RIMS4: variants seen among roughly 807,000 people sequenced by gnomAD.
The protein encoded by RIMS4 is regulating synaptic membrane exocytosis 4, also known as regulating synaptic membrane exocytosis protein 4.
In RIMS4, 9 loss-of-function variants were observed where a neutral mutation model predicts 29.0. The ratio of observed to expected loss-of-function variants is 0.31; its 90% CI spans 0.19 to 0.54. RIMS4 has a LOEUF of 0.54. RIMS4 is among the 20% of genes least tolerant of loss of function. RIMS4 has a pLI of 0.94. For synonymous variants in RIMS4, 130 were observed against 152.9 expected (o/e 0.85, Z 1.10); for missense variants, 193 against 365.7 (o/e 0.53, Z 3.85).
intron 1 of RIMS4, among the ~76,000 whole-genome samples, chr20:44,779,528 C>A (rs1390109724): frequency 6.6e-6 from 1 of 152,230 alleles, no homozygotes; most frequent in African/African-American, 2.4e-5. Context: ...TTCTTTTACC[C>A]AACACGACGT....
chr20:44,774,600 T>A (rs970035374), intron 1 of RIMS4, among the ~76,000 whole-genome samples: 4 of 152,186 alleles, frequency 2.6e-5, no homozygotes, highest in Non-Finnish European at 4.4e-5. Context: ...AGACTGCCTA[T>A]TGTGGGACCT....
intron 2 of RIMS4, among the ~76,000 whole-genome samples, chr20:44,761,147 T>C (rs2066083164): frequency 6.6e-6 from 1 of 152,144 alleles, no homozygotes; most frequent in Admixed American, 6.5e-5. Flanking sequence ...ATACAGAGAT[T>C]AGCAACAGCG....
At chr20:44,764,185 TCCA>T (rs2066101827) in intron 2 of RIMS4, among the ~76,000 whole-genome samples, 1 of 9,124 alleles carries the variant, frequency 1.1e-4, no homozygotes, top group Admixed American at 1.1e-3. Flanking sequence ...CATCCATCCA[TCCA>T]TTTATCCATC....
At chr20:44,773,372 CAG>C (rs2145455697) in intron 1 of RIMS4, among the ~76,000 whole-genome samples, 1 of 152,178 alleles carries the variant, frequency 6.6e-6, no homozygotes, top group Non-Finnish European at 1.5e-5. Flanking sequence ...TACAGTGACA[CAG>C]AGAAAGAAAG....
chr20:44,807,490 G>A (rs1437252086), intron 1 of RIMS4, among the ~76,000 whole-genome samples: 1 of 152,154 alleles, frequency 6.6e-6, no homozygotes, highest in South Asian at 2.1e-4. Flanking sequence ...GCAACAAAGG[G>A]GAGGCTCCTA....
chr20:44,800,476 T>C (rs1306911869), intron 1 of RIMS4, among the ~76,000 whole-genome samples: 1 of 152,050 alleles, frequency 6.6e-6, no homozygotes, highest in East Asian at 1.9e-4. Context: ...CCGGATATTT[T>C]TCATGTGTTT....
chr20:44,773,228 C>G (rs188411826), intron 1 of RIMS4, among the ~76,000 whole-genome samples: 1 of 152,222 alleles, frequency 6.6e-6, no homozygotes, highest in South Asian at 2.1e-4. Flanking sequence ...TTTCTGAACA[C>G]GTGGGAGAGC....
At chr20:44,789,653 C>T (rs996446470) in intron 1 of RIMS4, among the ~76,000 whole-genome samples, 4 of 152,064 alleles carry the variant, frequency 2.6e-5, no homozygotes, top group Admixed American at 1.3e-4. Context: ...AACTTCTGGG[C>T]TCAGCAATCG....
At chr20:44,783,882 A>G (rs2066196150) in intron 1 of RIMS4, among the ~76,000 whole-genome samples, 2 of 152,200 alleles carry the variant, frequency 1.3e-5, no homozygotes, top group Admixed American at 6.5e-5. Context: ...ATATTCTACA[A>G]TTGACTGTGG....
At chr20:44,767,633 C>T (rs1164290116) in intron 2 of RIMS4, among the ~76,000 whole-genome samples, 1 of 152,176 alleles carries the variant, frequency 6.6e-6, no homozygotes, top group African/African-American at 2.4e-5. Context: ...ACCCAATGCC[C>T]GGATTTGAAT....
At chr20:44,796,462 G>A (rs1241082565) in intron 1 of RIMS4, among the ~76,000 whole-genome samples, 1 of 152,126 alleles carries the variant, frequency 6.6e-6, no homozygotes, top group Non-Finnish European at 1.5e-5. Flanking sequence ...GAGGGGCTTG[G>A]GATTCAACTC....
At position 44,805,834 on chromosome 20, in the gene RIMS4, C is replaced by T. The variant is rs536065385; in HGVS notation, c.97+4341G>A. Among the ~76,000 whole-genome samples the T allele has an allele frequency of 4.4e-4, 66 of 151,106 alleles. 1 individual carries two copies. In the South Asian group the frequency reaches 0.013, roughly 31 times the overall value. On this transcript the variant is annotated intron_variant, in intron 1 of 5. Coordinates refer to ENST00000372851, the MANE Select transcript of RIMS4 (RefSeq NM_182970.4). ...GGTGCCTGGGGGTGTGGAGAGAAAT[C>T]GGAACTCTGATTCTCCCTGCCAGGA... is the stretch of plus-strand genomic sequence containing the variant.
In RIMS4 at chr20:44,755,949, G is replaced by A. The variant is rs2066057712; in HGVS notation, c.*185C>T. On this transcript the variant is annotated 3_prime_UTR_variant, in exon 6 of 6. Coordinates refer to ENST00000372851, the MANE Select transcript of RIMS4 (RefSeq NM_182970.4). ...AGCCAATCCCGTTGGGAGAGGGGAGGTCTCGGGGGTAGGAGGCAAAGAAGG... is the reference window on the plus strand; with the variant it reads ...AGCCAATCCCGTTGGGAGAGGGGAGATCTCGGGGGTAGGAGGCAAAGAAGG... The A allele has an allele frequency of 1.7e-6, 1 of 572,958 alleles. No individual in the cohort carries two copies. Among genetic ancestry groups the A allele is most frequent in the Non-Finnish European group, 3.1e-6 (1 of 321,376 alleles). The allele number at this position is 572,958 out of a possible 1,614,324, so 35.5% of individuals were successfully genotyped here.
intron 1 of RIMS4, among the ~76,000 whole-genome samples, chr20:44,783,636 C>CA (rs2066194722): frequency 6.7e-6 from 1 of 150,074 alleles, no homozygotes; most frequent in African/African-American, 2.5e-5. Flanking sequence ...AAAACAAAAA[C>CA]AAAAACAAAA....
At chr20:44,802,764 G>A (rs1026302892) in intron 1 of RIMS4, among the ~76,000 whole-genome samples, 4 of 152,076 alleles carry the variant, frequency 2.6e-5, no homozygotes, top group South Asian at 2.1e-4. Context: ...CTCAGTTCCC[G>A]CACCAGATAA....
rs2066052106 is a variant in RIMS4 at position 44,754,925 on chromosome 20, T to C, written c.*1209A>G. 6.6e-6 allele frequency: 1 copy of C among 152,426 alleles called. No homozygotes were observed. The highest frequency in any genetic ancestry group is 2.1e-4 in the South Asian group (1 of 4,810). 9.4% of individuals were successfully genotyped at this position (152,426 alleles called of 1,614,324 possible). A position where few individuals can be genotyped will look rare whatever the true frequency, so the allele number is the denominator to read the frequency against. On this transcript the variant is annotated 3_prime_UTR_variant, in exon 6 of 6. Coordinates refer to ENST00000372851, the MANE Select transcript of RIMS4 (RefSeq NM_182970.4). ...AGAGGGGCCAGCCTCCATCCTCCCTTGCATGCAAAAGGGCTCCCGCAGGCC... is the reference window on the plus strand; with the variant it reads ...AGAGGGGCCAGCCTCCATCCTCCCTCGCATGCAAAAGGGCTCCCGCAGGCC...
intron 1 of RIMS4, among the ~76,000 whole-genome samples, chr20:44,807,001 CCT>C (rs1310556967): frequency 1.3e-5 from 2 of 152,112 alleles, no homozygotes; most frequent in East Asian, 1.9e-4. Context: ...TTTTCTTCTT[CCT>C]TACAGATACG....
intron 1 of RIMS4, among the ~76,000 whole-genome samples, chr20:44,780,269 T>C (rs1037955756): frequency 2.0e-5 from 3 of 152,134 alleles, no homozygotes; most frequent in African/African-American, 7.2e-5. Flanking sequence ...CCCTTGGTGG[T>C]ATATAAAGTT....
At chr20:44,766,719 C>T (rs2066115172) in intron 2 of RIMS4, among the ~76,000 whole-genome samples, 1 of 152,154 alleles carries the variant, frequency 6.6e-6, no homozygotes. Context: ...GTTTGGGCAG[C>T]TGGGGAGATG....
Sources: allele counts gnomAD v4.1 joint callset (sites outside exome capture counted in the v4.1 genomes callset), GRCh38; gene constraint gnomAD v4.1.1; transcripts MANE v1.5; gene names NCBI Gene and HGNC (gene_info 2026-07-23, HGNC 2026-07-21).